The following GTSE1 variants were observed in gnomAD, a reference collection of about 807,000 sequenced individuals.
GTSE1 encodes G2 and S-phase expressed 1.
A neutral mutation model predicts 60.5 loss-of-function variants in GTSE1; 52 were observed. That is an observed-to-expected ratio of 0.86 (90% CI 0.69 to 1.08). The LOEUF is 1.08. GTSE1 is among the 50% of genes least tolerant of loss of function. The pLI is 0.00. For synonymous variants in GTSE1, 368 were observed against 386.5 expected, an observed-to-expected ratio of 0.95 and a Z score of 0.56; for missense variants, 937 against 961.8, an observed-to-expected ratio of 0.97 and a Z score of 0.34.
intron 2 of GTSE1, among the ~76,000 whole-genome samples, chr22:46,306,380 A>G (rs2147815722): frequency 6.6e-6 from 1 of 151,726 alleles, no homozygotes; most frequent in Non-Finnish European, 1.5e-5. Context: ...ACAGGGTTTC[A>G]CCATGTTAGC....
intron 6 of GTSE1, 132 bp from the exon 7 acceptor site, chr22:46,315,900 A>C: frequency 1.5e-6 from 1 of 685,958 alleles, no homozygotes; most frequent in Non-Finnish European, 2.4e-6. Context: ...ATGTTGCCTG[A>C]AGGGCTTATA....
intron 8 of GTSE1, among the ~76,000 whole-genome samples, chr22:46,323,971 C>T (rs1327132540): frequency 2.0e-5 from 3 of 152,116 alleles, no homozygotes; most frequent in Non-Finnish European, 2.9e-5. Flanking sequence ...GGATTATAGG[C>T]GTGAGCCACC....
rs1284402543 is a variant in GTSE1, at chr22:46,324,911, T to C, written c.1506-1525T>C. Among the ~76,000 whole-genome samples, 2 of 152,206 alleles carry C rather than the reference T, an allele frequency of 1.3e-5. No individual in the cohort carries two copies. Among genetic ancestry groups the C allele is most frequent in the African/African-American group, 2.4e-5 (1 of 41,462 alleles). On this transcript the variant is annotated intron_variant, in intron 8 of 11. Transcript: ENST00000454366. The surrounding 1 kb of genome is among the most constrained non-coding windows in gnomAD (Gnocchi z 5.2). ...GTAACAATTGCCCAGAATAGAGCAA[T>C]AGACAGGTCTCCCTGGCCTCCCGAG... is the stretch of plus-strand genomic sequence containing the variant.
chr22:46,316,415 G>A lies in GTSE1; in HGVS notation c.1432+3G>A. On this transcript the variant is annotated splice_donor_region_variant and intron_variant, in intron 7 of 11. Transcript: ENST00000454366. This position sits in a 1 kb window ranked among gnomAD's most constrained non-coding sequence, Gnocchi z 5.0. ...TAAAATTCCTAAGTTTTCTATTGGTGAGTAATAGATACATTTTAATGTGTC... is the reference window on the plus strand; with the variant it reads ...TAAAATTCCTAAGTTTTCTATTGGTAAGTAATAGATACATTTTAATGTGTC... The A allele has an allele frequency of 6.6e-7, 1 of 1,504,168 alleles. No homozygotes were observed. Among genetic ancestry groups the A allele is most frequent in the Admixed American group, 1.8e-5 (1 of 54,554 alleles). The allele number at this position is 1,504,168 out of a possible 1,614,324, so 93.2% of individuals were successfully genotyped here.
chr22:46,321,508 G>A lies in GTSE1; in HGVS notation c.1433-1682G>A, dbSNP rs1277108287. The stretch of plus-strand genomic sequence containing the variant: ...GAGCTGCGCGCCTCTCCAGTGCTGG[G>A]GTGAACATGGAGGCCTGGTGAACGC... On this transcript the variant is annotated intron_variant, in intron 7 of 11. Transcript: ENST00000454366. This position sits in a 1 kb window ranked among gnomAD's most constrained non-coding sequence, Gnocchi z 4.0. Among the ~76,000 whole-genome samples the A allele has an allele frequency of 6.6e-6, 1 of 152,240 alleles. No individual in the cohort carries two copies. Among genetic ancestry groups the A allele is most frequent in the East Asian group, 1.9e-4 (1 of 5,188 alleles).
Position 46,316,442 on chromosome 22 carries a change from T to A in GTSE1, c.1432+30T>A. 7.7e-7 allele frequency: 1 copy of A among 1,306,146 alleles called. No homozygotes were observed. Among genetic ancestry groups the A allele is most frequent in the Non-Finnish European group, 1.1e-6 (1 of 941,290 alleles). The allele number at this position is 1,306,146 out of a possible 1,614,324, so 80.9% of individuals were successfully genotyped here. On this transcript the variant is annotated intron_variant, in intron 7 of 11. Coordinates refer to ENST00000454366, the MANE Select transcript of GTSE1 (RefSeq NM_016426.7). This position sits in a 1 kb window ranked among gnomAD's most constrained non-coding sequence, Gnocchi z 5.0. Reference sequence around the variant, plus strand: ...GTAATAGATACATTTTAATGTGTCTTTAAAAAATACTGAAGAAATTGCATT... The same window carrying A: ...GTAATAGATACATTTTAATGTGTCTATAAAAAATACTGAAGAAATTGCATT...
chr22:46,309,031 G>A lies in GTSE1; in HGVS notation c.762+88G>A. The A allele has an allele frequency of 7.0e-7, 1 of 1,423,862 alleles. No homozygotes were observed. Among genetic ancestry groups the A allele is most frequent in the Non-Finnish European group, 9.5e-7 (1 of 1,054,220 alleles). The allele number at this position is 1,423,862 out of a possible 1,614,324, so 88.2% of individuals were successfully genotyped here. A position where few individuals can be genotyped will look rare whatever the true frequency, so the allele number is the denominator to read the frequency against. On this transcript the variant is annotated intron_variant, in intron 4 of 11. Coordinates refer to ENST00000454366, the MANE Select transcript of GTSE1 (RefSeq NM_016426.7). This position sits in a 1 kb window ranked among gnomAD's most constrained non-coding sequence, Gnocchi z 6.2. ...CAGAAGCCACATGCGGAAAGCCTCA[G>A]AGGTGGCGAGTCTCTGAGGCCTACA...
intron 6 of GTSE1, among the ~76,000 whole-genome samples, chr22:46,315,090 C>T (rs1318755570): frequency 6.9e-6 from 1 of 144,574 alleles, no homozygotes; most frequent in Admixed American, 7.0e-5. Context: ...GATGGAGTCT[C>T]ACTCTATTGC....
In GTSE1 at chr22:46,323,244, C is replaced by A. The variant is rs145754460; in HGVS notation, c.1487C>A (p.Ser496Ter). The A allele has an allele frequency of 1.2e-6, 2 of 1,613,592 alleles. No individual in the cohort carries two copies. Among genetic ancestry groups the A allele is most frequent in the Non-Finnish European group, 1.7e-6 (2 of 1,179,494 alleles). The change falls in exon 8 of 12, where the codon TCG (serine) becomes TAG (stop). Residue 496 changes from serine (S) to a stop codon, truncating the protein, a stop_gained. Transcript: ENST00000454366. LOFTEE classifies it high-confidence loss of function. ...CTTTCGCGGGCACAGCGGCCGCAGTCGTGCACGTCAGTTGGCAGGTGAGTG... is the reference window on the plus strand; with the variant it reads ...CTTTCGCGGGCACAGCGGCCGCAGTAGTGCACGTCAGTTGGCAGGTGAGTG... Reference protein sequence around the residue: ...PKLSRAQRPQSCTSVGRVTVH... With the variant: ...PKLSRAQRPQ
chr22:46,328,340 C>A (rs934245282), intron 9 of GTSE1, among the ~76,000 whole-genome samples: 1 of 152,172 alleles, frequency 6.6e-6, no homozygotes, highest in African/African-American at 2.4e-5. Flanking sequence ...TAGCTGCATG[C>A]GAGGAGGAGC....
intron 9 of GTSE1, chr22:46,327,272 C>T (rs189152864): frequency 6.6e-6 from 1 of 152,152 alleles, no homozygotes; most frequent in East Asian, 1.9e-4. Context: ...TGAAGTAAGC[C>T]ATAGCTGGAG....
intron 6 of GTSE1, among the ~76,000 whole-genome samples, chr22:46,315,752 C>T (rs2077775480): frequency 6.6e-6 from 1 of 152,188 alleles, no homozygotes; most frequent in Non-Finnish European, 1.5e-5. Context: ...TAGATTTCTC[C>T]TGCCAACATA....
At chr22:46,306,956 G>T (rs574798118) in intron 2 of GTSE1, among the ~76,000 whole-genome samples, 1 of 152,334 alleles carries the variant, frequency 6.6e-6, no homozygotes, top group South Asian at 2.1e-4. Context: ...TCTTGGAGGA[G>T]CTTATAGTCT....
intron 2 of GTSE1, among the ~76,000 whole-genome samples, chr22:46,305,086 G>GT (rs2077708688): frequency 1.3e-5 from 2 of 152,334 alleles, no homozygotes; most frequent in Non-Finnish European, 1.5e-5. Flanking sequence ...CCTCGTGGAA[G>GT]TAAGTTGGAA....
chr22:46,299,922 A>G (rs2077679827), intron 2 of GTSE1, among the ~76,000 whole-genome samples: 1 of 139,168 alleles, frequency 7.2e-6, no homozygotes, highest in Non-Finnish European at 1.5e-5. Context: ...CCTCCTGAGT[A>G]TCTGGGACTA....
chr22:46,299,899 T>G (rs2077679638), intron 2 of GTSE1, among the ~76,000 whole-genome samples: 1 of 150,902 alleles, frequency 6.6e-6, no homozygotes, highest in South Asian at 2.1e-4. Flanking sequence ...TTCAAGCAAT[T>G]CTCCTGCCTC....
At position 46,321,853 on chromosome 22, in the gene GTSE1, C is replaced by G. The variant is rs1362791260; in HGVS notation, c.1433-1337C>G. Among the ~76,000 whole-genome samples the G allele has an allele frequency of 6.6e-6, 1 of 152,064 alleles. No individual in the cohort carries two copies. Among genetic ancestry groups the G allele is most frequent in the Non-Finnish European group, 1.5e-5 (1 of 67,998 alleles). On this transcript the variant is annotated intron_variant, in intron 7 of 11. Coordinates refer to ENST00000454366, the MANE Select transcript of GTSE1 (RefSeq NM_016426.7). This position sits in a 1 kb window ranked among gnomAD's most constrained non-coding sequence, Gnocchi z 4.0. Reference sequence around the variant, plus strand: ...ACTTTGGGAGGCCGAGGCGGGCAATCACTTGAGGTCAGGAGTTCAAGACCA... The same window carrying G: ...ACTTTGGGAGGCCGAGGCGGGCAATGACTTGAGGTCAGGAGTTCAAGACCA...
rs1301736184 is a variant in GTSE1 at position 46,329,877 on chromosome 22, C to T, written c.2137-170C>T. ...GGGCCTGGGCTTCTCCGTGTGTGTCCTGTCTCCTTCCAGCTTCTTAGACGT... is the reference window on the plus strand; with the variant it reads ...GGGCCTGGGCTTCTCCGTGTGTGTCTTGTCTCCTTCCAGCTTCTTAGACGT... On this transcript the variant is annotated intron_variant, in intron 11 of 11. Transcript: ENST00000454366. The surrounding 1 kb of genome is among the most constrained non-coding windows in gnomAD (Gnocchi z 6.4). Among the ~76,000 whole-genome samples, 1 of 152,240 alleles carries T rather than the reference C, an allele frequency of 6.6e-6. No individual in the cohort carries two copies. The highest frequency in any genetic ancestry group is 1.5e-5 in the Non-Finnish European group (1 of 68,044).
intron 8 of GTSE1, among the ~76,000 whole-genome samples, chr22:46,323,899 A>C (rs1205135679): frequency 9.2e-5 from 14 of 152,116 alleles, no homozygotes; most frequent in Non-Finnish European, 2.9e-5. Context: ...TCACCGTGTT[A>C]GCCAGGATGG....
Sources: gnomAD v4.1 joint callset for allele counts (sites outside exome capture counted in the v4.1 genomes callset) on GRCh38, gnomAD v4.1.1 for gene constraint, Gnocchi (gnomAD v3.1) non-coding constraint, MANE v1.5 for transcripts, NCBI Gene and HGNC (gene_info 2026-07-23, HGNC 2026-07-21) for gene names.